Variants in TCF4 observed in about 807,000 individuals in gnomAD.
The protein encoded by TCF4 is transcription factor 4.
TCF4 carries 3 observed loss-of-function variants against 82.1 expected under a neutral mutation model. That is an observed-to-expected ratio of 0.04 (90% CI 0.02 to 0.09). TCF4 has a LOEUF of 0.09. Ranked by LOEUF, TCF4 falls within the 10% of genes least tolerant of loss-of-function variation. The pLI, the probability that TCF4 is intolerant of heterozygous loss-of-function variation, is 1.00. For synonymous variants in TCF4, 276 were observed against 309.6 expected, an observed-to-expected ratio of 0.89 and a Z score of 1.14; for missense variants, 518 against 852.7, an observed-to-expected ratio of 0.61 and a Z score of 4.89.
chr18:55,413,533 G>A (rs768484856), intron 5 of TCF4, among the ~76,000 whole-genome samples: 54 of 152,174 alleles, frequency 3.5e-4, no homozygotes, highest in Non-Finnish European at 7.2e-4. Context: ...ACTCCCCAGA[G>A]TCCAACCAGC....
chr18:55,316,532 T>G (rs1188396055), intron 8 of TCF4, among the ~76,000 whole-genome samples: 1 of 152,022 alleles, frequency 6.6e-6, no homozygotes, highest in Non-Finnish European at 1.5e-5. Flanking sequence ...AATCCAACTA[T>G]GATCAAGCCA....
intron 5 of TCF4, among the ~76,000 whole-genome samples, chr18:55,404,661 A>G (rs2146521181): frequency 6.6e-6 from 1 of 152,334 alleles, no homozygotes; most frequent in Middle Eastern, 3.4e-3. Flanking sequence ...AAGTAACAGT[A>G]GTCTTTTTAT....
At chr18:55,599,418 TG>T (rs2097694377) in intron 2 of TCF4, among the ~76,000 whole-genome samples, 2 of 151,848 alleles carry the variant, frequency 1.3e-5, no homozygotes, top group Admixed American at 1.3e-4. Flanking sequence ...CACAAAAACT[TG>T]AGAAAAAAAG....
At chr18:55,411,765 G>C (rs1380290227) in intron 5 of TCF4, among the ~76,000 whole-genome samples, 1 of 152,114 alleles carries the variant, frequency 6.6e-6, no homozygotes, top group East Asian at 1.9e-4. Flanking sequence ...TTAAGACAGA[G>C]TCTCACTCTG....
intron 8 of TCF4, among the ~76,000 whole-genome samples, chr18:55,346,182 A>G (rs1031966848): frequency 1.3e-5 from 2 of 152,140 alleles, no homozygotes; most frequent in Non-Finnish European, 2.9e-5. Flanking sequence ...TGCTTCTGTA[A>G]AGGAAACTCT....
At chr18:55,301,562 C>A (rs750674474) in intron 8 of TCF4, among the ~76,000 whole-genome samples, 1 of 152,116 alleles carries the variant, frequency 6.6e-6, no homozygotes, top group Non-Finnish European at 1.5e-5. Context: ...TCTAAACACA[C>A]GCAACGGCTC....
In TCF4 at chr18:55,245,762, G is replaced by A. The variant is rs773743099; in HGVS notation, c.1350+8735C>T. 5.6e-4 allele frequency among the ~76,000 whole-genome samples: 85 copies of A among 151,106 alleles called. 1 individual carries two copies. The highest frequency in any genetic ancestry group is 4.6e-4 in the Admixed American group (7 of 15,218). ...ATATGAGCTCAATGGCATCTTCTCC[G>A]GGAAGCTTTTCCTAGCGGTCTGAAT... On this transcript the variant is annotated intron_variant, in intron 15 of 19. Transcript: ENST00000354452.
intron 15 of TCF4, among the ~76,000 whole-genome samples, chr18:55,236,909 A>C (rs2049628768): frequency 6.6e-6 from 1 of 152,232 alleles, no homozygotes. Flanking sequence ...ATAGAGGAGA[A>C]GTGTACTCCT....
chr18:55,402,232 G>A (rs948714838), intron 6 of TCF4: 1 of 985,296 alleles, frequency 1.0e-6, no homozygotes, highest in Non-Finnish European at 1.2e-6. Flanking sequence ...TGGGCCAAGG[G>A]AGTAAACTTT....
intron 8 of TCF4, among the ~76,000 whole-genome samples, chr18:55,314,530 T>C (rs1294635399): frequency 6.6e-6 from 1 of 151,204 alleles, no homozygotes; most frequent in African/African-American, 2.4e-5. Flanking sequence ...GTTTTATTCG[T>C]TAGAAAAGCT....
intron 6 of TCF4, among the ~76,000 whole-genome samples, chr18:55,380,400 C>T (rs985929549): frequency 6.6e-6 from 1 of 152,056 alleles, no homozygotes; most frequent in Non-Finnish European, 1.5e-5. Context: ...GGTATTTCTC[C>T]TAATGCTAAC....
At chr18:55,626,705 A>G (rs1196912596) in intron 2 of TCF4, among the ~76,000 whole-genome samples, 1 of 152,222 alleles carries the variant, frequency 6.6e-6, no homozygotes, top group Non-Finnish European at 1.5e-5. Flanking sequence ...TAAAAATTTC[A>G]ACAAGATATC....
chr18:55,319,675 C>G (rs775696707), intron 8 of TCF4, among the ~76,000 whole-genome samples: 1 of 150,272 alleles, frequency 6.7e-6, no homozygotes, highest in Non-Finnish European at 1.5e-5. Context: ...GAGTACCATC[C>G]TCTCAAAAAA....
intron 8 of TCF4, among the ~76,000 whole-genome samples, chr18:55,289,926 T>C (rs1289432267): frequency 6.6e-6 from 1 of 151,402 alleles, no homozygotes; most frequent in African/African-American, 2.4e-5. Context: ...TATGTGTGTG[T>C]GCATGTAATG....
chr18:55,401,969 T>C (rs1026523239), intron 6 of TCF4: 2 of 946,434 alleles, frequency 2.1e-6, no homozygotes, highest in African/African-American at 1.8e-5. Flanking sequence ...AACACGGTCT[T>C]CTGCAGGAAC....
chr18:55,545,914 T>C (rs1448445634), intron 3 of TCF4, among the ~76,000 whole-genome samples: 1 of 152,312 alleles, frequency 6.6e-6, no homozygotes, highest in East Asian at 1.9e-4. Context: ...ACTCATAGGT[T>C]CTGGTATTTT....
chr18:55,258,425 G>A (rs1188970471), intron 13 of TCF4, among the ~76,000 whole-genome samples: 1 of 152,106 alleles, frequency 6.6e-6, no homozygotes, highest in Non-Finnish European at 1.5e-5. Context: ...GAGGGAATTT[G>A]TGATGTTTTC....
At chr18:55,234,728 T>A (rs1348174096) in intron 15 of TCF4, 45 bp from the exon 16 acceptor site, 3 of 1,613,104 alleles carry the variant, frequency 1.9e-6, no homozygotes, top group Admixed American at 3.3e-5. Context: ...GAACCGGAGG[T>A]GCGACAGCTA....
intron 3 of TCF4, among the ~76,000 whole-genome samples, chr18:55,485,004 T>C (rs753275187): frequency 6.6e-6 from 1 of 152,184 alleles, no homozygotes; most frequent in East Asian, 1.9e-4. Flanking sequence ...CCAGGCCAGA[T>C]ACTGGTTTCA....
Sources: gnomAD v4.1 joint callset for allele counts (sites outside exome capture counted in the v4.1 genomes callset) on GRCh38, gnomAD v4.1.1 for gene constraint, MANE v1.5 for transcripts, NCBI Gene and HGNC (gene_info 2026-07-23, HGNC 2026-07-21) for gene names.